Variants in ENTHD1 observed in about 807,000 individuals in gnomAD.
ENTHD1 encodes ENTH domain-containing protein 1.
ENTHD1 carries 23 observed loss-of-function variants against 39.1 expected under a neutral mutation model. The ratio of observed to expected loss-of-function variants is 0.59; its 90% CI spans 0.42 to 0.83. ENTHD1 has a LOEUF of 0.83. ENTHD1 is among the 40% of genes least tolerant of loss of function. The pLI is 0.00. For missense variants in ENTHD1, 624 were observed against 705.4 expected, an observed-to-expected ratio of 0.88 and a Z score of 1.31; for synonymous variants, 230 against 258.2, an observed-to-expected ratio of 0.89 and a Z score of 1.05.
At chr22:39,760,857 T>C (rs946227656) in intron 6 of ENTHD1, among the ~76,000 whole-genome samples, 2 of 152,118 alleles carry the variant, frequency 1.3e-5, no homozygotes, top group East Asian at 1.9e-4. Context: ...ATGTAAAATA[T>C]AGAAATCTTT....
chr22:39,839,201 C>T (rs921768460), intron 3 of ENTHD1, among the ~76,000 whole-genome samples: 8 of 152,064 alleles, frequency 5.3e-5, no homozygotes, highest in African/African-American at 1.9e-4. Context: ...AAAAAAAATA[C>T]TGAAAAGCGG....
intron 6 of ENTHD1, among the ~76,000 whole-genome samples, chr22:39,763,703 G>A (rs954938725): frequency 1.4e-4 from 21 of 152,104 alleles, no homozygotes; most frequent in African/African-American, 4.8e-4. Flanking sequence ...ATTTTTGGTA[G>A]TAGAATTAGA....
chr22:39,857,899 A>G (rs1212763838), intron 3 of ENTHD1, among the ~76,000 whole-genome samples: 1 of 152,234 alleles, frequency 6.6e-6, no homozygotes, highest in Non-Finnish European at 1.5e-5. Flanking sequence ...GCGAGTCTTC[A>G]TCTTTTTGCT....
intron 3 of ENTHD1, among the ~76,000 whole-genome samples, chr22:39,855,207 C>A (rs2066075157): frequency 6.6e-6 from 1 of 152,204 alleles, no homozygotes. Context: ...AAGCTCAGTT[C>A]TGTGACTAAG....
chr22:39,893,318 A>G (rs1255433388), intron 1 of ENTHD1: 3 of 152,220 alleles, frequency 2.0e-5, no homozygotes, highest in African/African-American at 7.2e-5. Flanking sequence ...GCAAGAATCA[A>G]CTTTCTGTGG....
At chr22:39,783,010 G>A (rs1286315847) in intron 5 of ENTHD1, among the ~76,000 whole-genome samples, 3 of 152,122 alleles carry the variant, frequency 2.0e-5, no homozygotes, top group Non-Finnish European at 2.9e-5. Flanking sequence ...CAGATGACAT[G>A]CTCTTATACT....
At chr22:39,778,976 T>C (rs1367703869) in intron 5 of ENTHD1, among the ~76,000 whole-genome samples, 10 of 152,168 alleles carry the variant, frequency 6.6e-5, no homozygotes, top group Admixed American at 6.5e-4. Flanking sequence ...ATATACTTAA[T>C]GTGGTTAGAG....
chr22:39,830,930 C>T (rs2065863782), intron 4 of ENTHD1, among the ~76,000 whole-genome samples: 1 of 152,198 alleles, frequency 6.6e-6, no homozygotes, highest in African/African-American at 2.4e-5. Flanking sequence ...TAAAAAGATA[C>T]AGTCATGCTC....
chr22:39,750,859 A>T, intron 6 of ENTHD1: 1 of 160,888 alleles, frequency 6.2e-6, no homozygotes, highest in East Asian at 1.8e-4. Flanking sequence ...CCATACAACT[A>T]GGATCTAATA....
chr22:39,851,913 G>A (rs1455188502), intron 3 of ENTHD1, among the ~76,000 whole-genome samples: 1 of 152,162 alleles, frequency 6.6e-6, no homozygotes, highest in African/African-American at 2.4e-5. Flanking sequence ...GCAGTAAATG[G>A]AGTTCCTAGT....
intron 6 of ENTHD1, among the ~76,000 whole-genome samples, chr22:39,746,543 G>A (rs1478663596): frequency 6.6e-6 from 1 of 152,150 alleles, no homozygotes; most frequent in Non-Finnish European, 1.5e-5. Context: ...GTTTAAGTGT[G>A]GAGGATTAAA....
chr22:39,836,952 C>T (rs2065911521), intron 3 of ENTHD1, among the ~76,000 whole-genome samples: 1 of 152,058 alleles, frequency 6.6e-6, no homozygotes, highest in African/African-American at 2.4e-5. Context: ...CCAATTAAAC[C>T]TCTTTTCTTT....
intron 4 of ENTHD1, among the ~76,000 whole-genome samples, chr22:39,835,115 T>C (rs1285295820): frequency 6.6e-6 from 1 of 152,114 alleles, no homozygotes. Flanking sequence ...TTTAAAAATC[T>C]GAACAGTGAA....
At chr22:39,792,666 C>T (rs1156251594) in intron 5 of ENTHD1, among the ~76,000 whole-genome samples, 1 of 152,116 alleles carries the variant, frequency 6.6e-6, no homozygotes, top group Non-Finnish European at 1.5e-5. Context: ...TGCTTGAGCC[C>T]AGGAGGTGCA....
At chr22:39,826,683 T>A (rs909931850) in intron 4 of ENTHD1, among the ~76,000 whole-genome samples, 2 of 152,134 alleles carry the variant, frequency 1.3e-5, no homozygotes, top group Non-Finnish European at 2.9e-5. Flanking sequence ...GATTACAATA[T>A]GTTAATGTAG....
Position 39,835,954 on chromosome 22 carries a change from A to G in ENTHD1, c.597T>C (p.Asn199=), listed in dbSNP as rs751784997. 1 of 1,600,220 alleles carries G rather than the reference A, an allele frequency of 6.2e-7. No homozygotes were observed. The highest frequency in any genetic ancestry group is 1.1e-5 in the South Asian group (1 of 88,468). The stretch of plus-strand genomic sequence containing the variant: ...CTTGTTTCAATCCTGCCTTGCACAC[A>G]TTTCCTGTCAACAATATAAAGCTTA... ...PKFGRLHNKR[N]VCKAGLKQEH... The change falls in exon 4 of 7, where the codon AAT becomes AAC. Residue 199 remains asparagine (N), a synonymous_variant. Coordinates refer to ENST00000325157, the MANE Select transcript of ENTHD1 (RefSeq NM_152512.4).
intron 6 of ENTHD1, among the ~76,000 whole-genome samples, chr22:39,749,498 G>A (rs2065132009): frequency 6.6e-6 from 1 of 152,158 alleles, no homozygotes; most frequent in African/African-American, 2.4e-5. Flanking sequence ...GAACTGTGCT[G>A]CAAAAATAAA....
chr22:39,812,698 C>G (rs938083415), intron 5 of ENTHD1, among the ~76,000 whole-genome samples: 1 of 152,190 alleles, frequency 6.6e-6, no homozygotes, highest in Non-Finnish European at 1.5e-5. Flanking sequence ...CCAGAATGCC[C>G]GGAGTGGTAG....
At chr22:39,876,753 T>C (rs1220763635) in intron 2 of ENTHD1, among the ~76,000 whole-genome samples, 1 of 152,164 alleles carries the variant, frequency 6.6e-6, no homozygotes, top group African/African-American at 2.4e-5. Flanking sequence ...TAATTTGTAG[T>C]GAAGAAAGGG....
Sources: allele counts gnomAD v4.1 joint callset (sites outside exome capture counted in the v4.1 genomes callset), GRCh38; gene constraint gnomAD v4.1.1; transcripts MANE v1.5; gene names NCBI Gene and HGNC (gene_info 2026-07-23, HGNC 2026-07-21).